The following TAF1B variants were observed in gnomAD, a reference collection of about 807,000 sequenced individuals.
TAF1B encodes TATA-box binding protein associated factor, RNA polymerase I subunit B.
A neutral mutation model predicts 83.9 loss-of-function variants in TAF1B; 61 were observed. That is an observed-to-expected ratio of 0.73 (90% confidence interval 0.59 to 0.90). TAF1B has a LOEUF of 0.90. TAF1B is among the 40% of genes least tolerant of loss of function. The pLI, the probability that TAF1B is intolerant of heterozygous loss-of-function variation, is 0.00. For synonymous variants in TAF1B, 221 were observed against 224.6 expected (o/e 0.98, Z 0.14); for missense variants, 625 against 677.0 (o/e 0.92, Z 0.85).
chr2:9,916,005 A>G lies in TAF1B; in HGVS notation c.1271+2756A>G, dbSNP rs545675873. On this transcript the variant is annotated intron_variant, in intron 12 of 14. Transcript: ENST00000263663. The stretch of plus-strand genomic sequence containing the variant: ...TATGCTATGATTCCATTTATATGAC[A>G]TTCTGGAAAAGGCTAAACTATGGGG... Among the ~76,000 whole-genome samples, 75 of 152,370 alleles carry G rather than the reference A, an allele frequency of 4.9e-4. 1 individual carries two copies. In the South Asian group the frequency reaches 0.016, roughly 32 times the overall value.
intron 9 of TAF1B, among the ~76,000 whole-genome samples, chr2:9,908,999 A>T (rs1442722749): frequency 6.6e-6 from 1 of 152,220 alleles, no homozygotes; most frequent in Non-Finnish European, 1.5e-5. Context: ...ACCTGAGCCA[A>T]GCTACCAGAA....
chr2:9,911,550 C>T lies in TAF1B; in HGVS notation c.1173C>T (p.Asn391=). The T allele has an allele frequency of 6.6e-7, 1 of 1,514,708 alleles. No homozygotes were observed. Among genetic ancestry groups the T allele is most frequent in the Non-Finnish European group, 8.9e-7 (1 of 1,124,058 alleles). The allele number at this position is 1,514,708 out of a possible 1,614,324, so 93.8% of individuals were successfully genotyped here. ...TTGCTGAAAAGCATAATGAAAAGAA[C>T]AAAAAAGGTATTTTAATTTTTTATC... ...SNLAEKHNEK[N]KKDKPWFDFR... The change falls in exon 11 of 15, where the codon AAC becomes AAT. Residue 391 remains asparagine, a synonymous_variant. Coordinates refer to ENST00000263663, the MANE Select transcript of TAF1B (RefSeq NM_005680.3).
rs116109396 is a variant in TAF1B, at chr2:9,846,034, G to A, written c.117+716G>A. 1.6e-3 allele frequency: 769 copies of A among 468,534 alleles called. 3 individuals are homozygous for A. The highest frequency in any genetic ancestry group is 0.013 in the African/African-American group (672 of 50,040). The allele number at this position is 468,534 out of a possible 1,614,324, so 29.0% of individuals were successfully genotyped here. A position where few individuals can be genotyped will look rare whatever the true frequency, so the allele number is the denominator to read the frequency against. On this transcript the variant is annotated intron_variant, in intron 2 of 14. Coordinates refer to ENST00000263663, the MANE Select transcript of TAF1B (RefSeq NM_005680.3). The stretch of plus-strand genomic sequence containing the variant: ...GTTGGGAATATTGGAATTATTCTTC[G>A]TTATCCTTTTACCTTTGTATAGTAC...
At chr2:9,877,964 G>C (rs535875925) in intron 7 of TAF1B, among the ~76,000 whole-genome samples, 2 of 152,232 alleles carry the variant, frequency 1.3e-5, no homozygotes, top group South Asian at 4.1e-4. Context: ...ACAAGTTTGG[G>C]AACAGAGCTT....
chr2:9,854,647 T>C (rs1444932043), intron 5 of TAF1B, among the ~76,000 whole-genome samples: 2 of 151,958 alleles, frequency 1.3e-5, no homozygotes, highest in Non-Finnish European at 2.9e-5. Context: ...TTTTGACATC[T>C]TATCAGACTA....
intron 5 of TAF1B, among the ~76,000 whole-genome samples, chr2:9,858,825 G>C (rs114626315): frequency 6.6e-6 from 1 of 152,162 alleles, no homozygotes; most frequent in African/African-American, 2.4e-5. Context: ...ATATCCTGAG[G>C]CTGCACAAAG....
chr2:9,865,202 G>C (rs1250905436), intron 5 of TAF1B, among the ~76,000 whole-genome samples: 3 of 152,096 alleles, frequency 2.0e-5, no homozygotes, highest in Admixed American at 6.5e-5. Flanking sequence ...CATTGTCTCA[G>C]CCCAAAATCT....
chr2:9,925,468 T>C (rs1394076940), intron 14 of TAF1B, among the ~76,000 whole-genome samples: 1 of 152,098 alleles, frequency 6.6e-6, no homozygotes, highest in Admixed American at 6.5e-5. Flanking sequence ...AGTACTGTTA[T>C]TTTTTTCCGT....
intron 10 of TAF1B, among the ~76,000 whole-genome samples, chr2:9,911,260 C>T (rs1402041352): frequency 6.6e-6 from 1 of 152,144 alleles, no homozygotes; most frequent in Non-Finnish European, 1.5e-5. Flanking sequence ...TCCCTTTAGG[C>T]TCCTGGCAAT....
chr2:9,869,280 A>G (rs980344783), intron 6 of TAF1B, among the ~76,000 whole-genome samples: 14 of 151,900 alleles, frequency 9.2e-5, no homozygotes, highest in Non-Finnish European at 1.8e-4. Context: ...GCTGGAGTGC[A>G]GTGGTGCAAT....
chr2:9,855,721 G>A (rs570538769), intron 5 of TAF1B, among the ~76,000 whole-genome samples: 6 of 152,132 alleles, frequency 3.9e-5, no homozygotes, highest in African/African-American at 7.2e-5. Flanking sequence ...CCAACCTACC[G>A]AACATCATAG....
At chr2:9,930,230 G>A (rs1666170370) in intron 14 of TAF1B, among the ~76,000 whole-genome samples, 1 of 151,842 alleles carries the variant, frequency 6.6e-6, no homozygotes, top group South Asian at 2.1e-4. Context: ...TTTTGAATTT[G>A]TTTGCTCATG....
chr2:9,883,803 A>G (rs972537792), intron 8 of TAF1B, among the ~76,000 whole-genome samples: 1 of 152,270 alleles, frequency 6.6e-6, no homozygotes, highest in African/African-American at 2.4e-5. Context: ...CAAAGCTGAT[A>G]GAGCCCCTGA....
intron 8 of TAF1B, among the ~76,000 whole-genome samples, chr2:9,887,423 A>G (rs574701596): frequency 5.9e-5 from 9 of 152,262 alleles, no homozygotes; most frequent in Admixed American, 2.6e-4. Flanking sequence ...CTGGAGCTCT[A>G]TTACTAGGTG....
intron 4 of TAF1B, 145 bp downstream of exon 4, chr2:9,851,783 T>C (rs1210979703): frequency 1.3e-5 from 9 of 689,840 alleles, no homozygotes; most frequent in Non-Finnish European, 2.0e-5. Flanking sequence ...TTAATCCTTT[T>C]AGTAGGTTAG....
chr2:9,895,927 GT>G (rs1665005601), intron 8 of TAF1B, among the ~76,000 whole-genome samples: 1 of 149,306 alleles, frequency 6.7e-6, no homozygotes, highest in South Asian at 2.1e-4. Context: ...ACTCTAGCCT[GT>G]CCTTACCTGT....
At position 9,845,277 on chromosome 2, in the gene TAF1B, G is replaced by T; in HGVS notation, c.76G>T (p.Glu26Ter). The T allele has an allele frequency of 6.2e-7, 1 of 1,613,898 alleles. No individual in the cohort carries two copies. The highest frequency in any genetic ancestry group is 8.5e-7 in the Non-Finnish European group (1 of 1,179,860). ...CAAVSWGLTDEGKYYCTSCHN... is the reference protein window; with the variant it reads ...CAAVSWGLTD ...TGCTGTCTCATGGGGTCTTACTGAT[G>T]AAGGCAAATATTATTGCACTTCTTG... is the stretch of plus-strand genomic sequence containing the variant. Residue 26 changes from glutamate (E) to a stop codon, truncating the protein, a stop_gained, in exon 2 of 15, where the codon GAA becomes TAA. Coordinates refer to ENST00000263663, the MANE Select transcript of TAF1B (RefSeq NM_005680.3). LOFTEE classifies it high-confidence loss of function.
rs926489940 is a variant in TAF1B at position 9,914,118 on chromosome 2, A to G, written c.1271+869A>G. On this transcript the variant is annotated intron_variant, in intron 12 of 14. Transcript: ENST00000263663. The surrounding 1 kb of genome is among the most constrained non-coding windows in gnomAD (Gnocchi z 4.3). ...CCCAATTTTCCAGTATGAGAGTAGA[A>G]CTAGATTATTTTTCCTCTAAATTTC... 6.6e-6 allele frequency among the ~76,000 whole-genome samples: 1 copy of G among 152,216 alleles called. No individual in the cohort carries two copies. The highest frequency in any genetic ancestry group is 1.5e-5 in the Non-Finnish European group (1 of 68,028).
At chr2:9,919,302 G>A (rs990248378) in intron 13 of TAF1B, among the ~76,000 whole-genome samples, 191 bp downstream of exon 13, 2 of 152,142 alleles carry the variant, frequency 1.3e-5, no homozygotes, top group African/African-American at 2.4e-5. Flanking sequence ...GGAATATGTC[G>A]TTCTTCAAAA....
Sources: allele counts gnomAD v4.1 joint callset (sites outside exome capture counted in the v4.1 genomes callset), GRCh38; gene constraint gnomAD v4.1.1; non-coding constraint Gnocchi (gnomAD v3.1); transcripts MANE v1.5; gene names NCBI Gene and HGNC (gene_info 2026-07-23, HGNC 2026-07-21).